PTPN7: variants seen among roughly 807,000 people sequenced by gnomAD.
The protein encoded by PTPN7 is tyrosine-protein phosphatase non-receptor type 7.
In PTPN7, 33 loss-of-function variants were observed where a neutral mutation model predicts 50.3. That is an observed-to-expected ratio of 0.66 (90% CI 0.50 to 0.88). The LOEUF (loss-of-function observed/expected upper bound fraction) is 0.88. Among genes scored for constraint, PTPN7 ranks in the 40% least tolerant of loss-of-function variants. The pLI is 0.00. For synonymous variants in PTPN7, 185 were observed against 186.6 expected, an observed-to-expected ratio of 0.99 and a Z score of 0.07; for missense variants, 412 against 475.4, an observed-to-expected ratio of 0.87 and a Z score of 1.24.
chr1:202,149,755 T>A (rs1485030845), intron 9 of PTPN7: 1 of 152,078 alleles, frequency 6.6e-6, no homozygotes, highest in Non-Finnish European at 1.5e-5. Context: ...TTCTTTGCAC[T>A]ACTTGTTGCT....
intron 5 of PTPN7, among the ~76,000 whole-genome samples, chr1:202,154,997 AC>A (rs1017486320): frequency 6.6e-6 from 1 of 152,134 alleles, no homozygotes; most frequent in Non-Finnish European, 1.5e-5. Context: ...TGTCTTACCC[AC>A]ATTGAGTCAC....
At chr1:202,157,893 G>T in intron 3 of PTPN7, 70 bp from the exon 4 acceptor site, 2 of 1,502,344 alleles carry the variant, frequency 1.3e-6, no homozygotes, top group Non-Finnish European at 1.9e-6. Flanking sequence ...CCTTTTTCTA[G>T]AACAGCTGGA....
Position 202,155,647 on chromosome 1 carries a change from G to A in PTPN7, c.392-38C>T, listed in dbSNP as rs1159747171. The stretch of plus-strand genomic sequence containing the variant: ...AATCAGCAGAGGTCAGAGGTCAGAA[G>A]GTGACCAACTAACACAGACTCAAGC... On this transcript the variant is annotated intron_variant, in intron 4 of 9. Coordinates refer to ENST00000691036, the MANE Select transcript of PTPN7 (RefSeq NM_002832.4). 2.7e-6 allele frequency: 4 copies of A among 1,497,896 alleles called. No individual in the cohort carries two copies. The African/African-American group carries it at 5.5e-5, about 21-fold the overall frequency. The allele number at this position is 1,497,896 out of a possible 1,614,324, so 92.8% of individuals were successfully genotyped here. A position where few individuals can be genotyped will look rare whatever the true frequency, so the allele number is the denominator to read the frequency against.
At chr1:202,150,822 C>T (rs1261489703) in intron 8 of PTPN7, among the ~76,000 whole-genome samples, 2 of 152,142 alleles carry the variant, frequency 1.3e-5, no homozygotes, top group Non-Finnish European at 1.5e-5. Context: ...TCATCTTCCA[C>T]GCAGCCCACG....
chr1:202,160,668 C>T (rs1303135857), upstream of PTPN7: 2 of 1,550,456 alleles, frequency 1.3e-6, no homozygotes, highest in Non-Finnish European at 1.7e-6. This position sits in a 1 kb window ranked among gnomAD's most constrained non-coding sequence, Gnocchi z 4.8. Context: ...TGCTGCCACC[C>T]ACGCACACCC....
upstream of PTPN7, chr1:202,160,895 G>A (rs971690509): frequency 6.9e-7 from 1 of 1,458,282 alleles, no homozygotes; most frequent in Non-Finnish European, 9.0e-7. This position sits in a 1 kb window ranked among gnomAD's most constrained non-coding sequence, Gnocchi z 4.8. Flanking sequence ...CTACTTGCTG[G>A]GCACAGCTCG....
In PTPN7 at chr1:202,159,464, A is replaced by G; in HGVS notation, c.-52-10T>C. The stretch of plus-strand genomic sequence containing the variant: ...CAGCCATGAGGTCTGCCTGAAAGAC[A>G]GGGCCCTCCGCTGCTGTTCTCTGGC... On this transcript the variant is annotated splice_polypyrimidine_tract_variant and intron_variant, in intron 1 of 9. Transcript: ENST00000691036. The surrounding 1 kb of genome is among the most constrained non-coding windows in gnomAD (Gnocchi z 4.6). 6.2e-7 allele frequency: 1 copy of G among 1,608,932 alleles called. No homozygotes were observed. The highest frequency in any genetic ancestry group is 8.5e-7 in the Non-Finnish European group (1 of 1,175,962).
upstream of PTPN7, chr1:202,160,757 C>A (rs1160157604): frequency 1.3e-6 from 2 of 1,549,824 alleles, no homozygotes; most frequent in East Asian, 4.9e-5. The surrounding 1 kb of genome is among the most constrained non-coding windows in gnomAD (Gnocchi z 4.8). Context: ...CTTCTGGGGC[C>A]CAAGGCCCCG....
chr1:202,158,091 G>A (rs377428289), intron 3 of PTPN7, 27 bp downstream of exon 3: 104 of 1,555,920 alleles, frequency 6.7e-5, no homozygotes, highest in Non-Finnish European at 8.1e-5. Flanking sequence ...AGGGCAGAGC[G>A]ATTCAGAGGG....
In PTPN7 at chr1:202,152,712, C is replaced by T; in HGVS notation, c.718-13G>A. On this transcript the variant is annotated splice_polypyrimidine_tract_variant and intron_variant, in intron 7 of 9. Transcript: ENST00000691036. ...GCTCTTCCTGGTACTGGATTGGAGA[C>T]AAGGCATGAGAACCAAGGTCAGGGT... 6.2e-7 allele frequency: 1 copy of T among 1,613,484 alleles called. No individual in the cohort carries two copies. Among genetic ancestry groups the T allele is most frequent in the African/African-American group, 1.3e-5 (1 of 75,032 alleles).
chr1:202,157,932 T>A, intron 3 of PTPN7, 109 bp from the exon 4 acceptor site: 1 of 1,308,538 alleles, frequency 7.6e-7, no homozygotes, highest in South Asian at 1.3e-5. Context: ...GACAATAGTA[T>A]GTAGGCCTAG....
At chr1:202,152,778 G>A in intron 7 of PTPN7, 79 bp from the exon 8 acceptor site, 1 of 1,513,014 alleles carries the variant, frequency 6.6e-7, no homozygotes, top group East Asian at 2.3e-5. Flanking sequence ...CCTGAGGAGG[G>A]CAAGGGCTGG....
In PTPN7 at chr1:202,153,781, G is replaced by A. The variant is rs527845505; in HGVS notation, c.661C>T (p.Arg221Cys). The change falls in exon 7 of 10, where the codon CGC becomes TGC. Residue 221 changes from arginine (R) to cysteine (C), a missense_variant. Physicochemically the swap from Arg to Cys is radical, Grantham distance 180. Transcript: ENST00000691036. ...GGGCACTCTTTCATGTCCTGGATGC[G>A]GATCTGGAAGGGTCCATAGGTTTCC... ...EEETYGPFQIRIQDMKECPEY... is the reference protein window; with the variant it reads ...EEETYGPFQICIQDMKECPEY... 20 of 1,614,078 alleles carry A rather than the reference G, an allele frequency of 1.2e-5. No homozygotes were observed. Among genetic ancestry groups the A allele is most frequent in the African/African-American group, 6.7e-5 (5 of 75,022 alleles).
rs780744609 is a variant in PTPN7, at chr1:202,159,348, C to T, written c.55G>A (p.Gly19Arg). The stretch of plus-strand genomic sequence containing the variant: ...GGCGGAGGCTGGGTCATGGCTGCCC[C>T]CAAAGACAAGGTCAACGGCTGTGCT... ...SRAQPLTLSLGAAMTQPPPEK... is the reference protein window; with the variant it reads ...SRAQPLTLSLRAAMTQPPPEK... Residue 19 changes from glycine (G) to arginine (R), a missense_variant, in exon 2 of 10, where the codon GGG becomes AGG. Physicochemically the swap from Gly to Arg is moderately radical, Grantham distance 125 (BLOSUM62 -2). Coordinates refer to ENST00000691036, the MANE Select transcript of PTPN7 (RefSeq NM_002832.4). The surrounding 1 kb of genome is among the most constrained non-coding windows in gnomAD (Gnocchi z 4.6). The T allele has an allele frequency of 3.1e-6, 5 of 1,614,172 alleles. No individual in the cohort carries two copies. The East Asian group carries it at 6.7e-5, about 22-fold the overall frequency.
chr1:202,150,519 G>T, intron 8 of PTPN7, 95 bp from the exon 9 acceptor site: 1 of 960,442 alleles, frequency 1.0e-6, no homozygotes, highest in Non-Finnish European at 1.6e-6. Context: ...GGGACCTGCA[G>T]GTGCTATATT....
chr1:202,158,536 T>G (rs1656950813), intron 2 of PTPN7: 4 of 444,116 alleles, frequency 9.0e-6, no homozygotes, highest in Admixed American at 8.1e-5. Context: ...AATTTAAGTT[T>G]TTTTTTTTTT....
chr1:202,160,699 G>T (rs751941440), upstream of PTPN7: 6 of 1,550,338 alleles, frequency 3.9e-6, no homozygotes, highest in South Asian at 1.2e-5. The surrounding 1 kb of genome is among the most constrained non-coding windows in gnomAD (Gnocchi z 4.8). Context: ...CTGCCCTCCT[G>T]TGCCTGCTGC....
At position 202,159,185 on chromosome 1, in the gene PTPN7, A is replaced by G; in HGVS notation, c.122+96T>C. The G allele has an allele frequency of 8.0e-7, 1 of 1,255,362 alleles. No homozygotes were observed. Among genetic ancestry groups the G allele is most frequent in the Admixed American group, 1.8e-5 (1 of 54,268 alleles). The allele number at this position is 1,255,362 out of a possible 1,614,324, so 77.8% of individuals were successfully genotyped here. A position where few individuals can be genotyped will look rare whatever the true frequency, so the allele number is the denominator to read the frequency against. ...GAGTCAACAACTGAGGGCCCTCTGG[A>G]CCCTGCTGTCAGAGCTGGAGGGGCA... On this transcript the variant is annotated intron_variant, in intron 2 of 9. Transcript: ENST00000691036. This position sits in a 1 kb window ranked among gnomAD's most constrained non-coding sequence, Gnocchi z 4.6.
At chr1:202,160,800 C>G, upstream of PTPN7, 1 of 1,542,798 alleles carries the variant, frequency 6.5e-7, no homozygotes, top group Non-Finnish European at 8.8e-7. The surrounding 1 kb of genome is among the most constrained non-coding windows in gnomAD (Gnocchi z 4.8). Flanking sequence ...CCAGGCCTTC[C>G]CGACCATCCT....
Sources: allele counts gnomAD v4.1 joint callset (sites outside exome capture counted in the v4.1 genomes callset), GRCh38; gene constraint gnomAD v4.1.1; non-coding constraint Gnocchi (gnomAD v3.1); transcripts MANE v1.5; gene names NCBI Gene and HGNC (gene_info 2026-07-23, HGNC 2026-07-21).